The following TNRC6B variants were observed in gnomAD, a reference collection of about 807,000 sequenced individuals.
TNRC6B encodes trinucleotide repeat containing adaptor 6B.
Under a neutral mutation model 203.6 loss-of-function variants are expected in TNRC6B, and 52 were observed. The ratio of observed to expected loss-of-function variants is 0.26; its 90% confidence interval spans 0.20 to 0.32. TNRC6B has a LOEUF of 0.32. Among genes scored for constraint, TNRC6B ranks in the 10% least tolerant of loss-of-function variants. The pLI is 1.00. For missense variants in TNRC6B, 1,923 were observed against 2,286.2 expected, an observed-to-expected ratio of 0.84 and a Z score of 3.24; for synonymous variants, 838 against 845.7, an observed-to-expected ratio of 0.99 and a Z score of 0.16.
Position 40,334,730 on chromosome 22 carries a change from AGAG to A in TNRC6B, c.*11495_*11497del, listed in dbSNP as rs1282293760. On this transcript the variant is annotated 3_prime_UTR_variant, in exon 23 of 23. Coordinates refer to ENST00000454349, the MANE Select transcript of TNRC6B (RefSeq NM_001162501.2). ...CGCAGGAGGACCTGGGGGGCGTAGC[AGAG>A]GAGGATAGGTAGAGAAGTACCATTT... The A allele has an allele frequency of 6.6e-6, 1 of 152,616 alleles. No individual in the cohort carries two copies. Among genetic ancestry groups the A allele is most frequent in the Non-Finnish European group, 1.5e-5 (1 of 68,040 alleles). 9.5% of individuals were successfully genotyped at this position (152,616 alleles called of 1,614,324 possible).
Position 40,326,891 on chromosome 22 carries a change from A to G in TNRC6B, c.*3650A>G, listed in dbSNP as rs1482914240. The stretch of plus-strand genomic sequence containing the variant: ...AATATAGAAGAATCTAATAAGGAAC[A>G]AGTGATTTTACTTTTTTAGCTCCCA... On this transcript the variant is annotated 3_prime_UTR_variant, in exon 23 of 23. Transcript: ENST00000454349. 6.6e-6 allele frequency: 1 copy of G among 152,630 alleles called. No homozygotes were observed. Among genetic ancestry groups the G allele is most frequent in the African/African-American group, 2.4e-5 (1 of 41,450 alleles). 9.5% of individuals were successfully genotyped at this position (152,630 alleles called of 1,614,324 possible).
At chr22:40,209,394 T>A (rs955707683) in intron 1 of TNRC6B, among the ~76,000 whole-genome samples, 1 of 152,140 alleles carries the variant, frequency 6.6e-6, no homozygotes, top group African/African-American at 2.4e-5. Context: ...GGCCCAAACC[T>A]TTATCTCACC....
Position 40,265,389 on chromosome 22 carries a change from A to C in TNRC6B, c.1159A>C (p.Asn387His). 6.2e-7 allele frequency: 1 copy of C among 1,614,004 alleles called. No individual in the cohort carries two copies. Among genetic ancestry groups the C allele is most frequent in the Non-Finnish European group, 8.5e-7 (1 of 1,179,892 alleles). ...TAACTCCTTGAACTTAAGTTCACCAAACCCCATGGAGAATAAGGGAATGCC... is the reference window on the plus strand; with the variant it reads ...TAACTCCTTGAACTTAAGTTCACCACACCCCATGGAGAATAAGGGAATGCC... ...NTNSLNLSSP[N>H]PMENKGMPFG... The change falls in exon 5 of 23, where the codon AAC (asparagine) becomes CAC (histidine). Residue 387 changes from asparagine (N) to histidine (H), a missense_variant. Asn to His is a moderately conservative substitution (Grantham distance 68). Transcript: ENST00000454349.
chr22:40,169,770 G>T (rs1198718496), intron 4 of TNRC6B, among the ~76,000 whole-genome samples: 3 of 152,094 alleles, frequency 2.0e-5, no homozygotes, highest in Admixed American at 6.6e-5. Flanking sequence ...GCATACTCAC[G>T]TTAGGAGGTT....
chr22:40,080,356 A>G (rs1013083337), intron 1 of TNRC6B, among the ~76,000 whole-genome samples: 1 of 152,068 alleles, frequency 6.6e-6, no homozygotes, highest in Non-Finnish European at 1.5e-5. Flanking sequence ...ATTTCAATGT[A>G]TAGTATGCAC....
intron 1 of TNRC6B, among the ~76,000 whole-genome samples, chr22:40,093,314 G>T (rs1427320209): frequency 6.6e-6 from 1 of 152,210 alleles, no homozygotes; most frequent in East Asian, 1.9e-4. Flanking sequence ...GAAAGGTTAA[G>T]ATGCATGGAA....
At chr22:40,078,934 C>T (rs1226979370) in intron 1 of TNRC6B, among the ~76,000 whole-genome samples, 2 of 151,394 alleles carry the variant, frequency 1.3e-5, no homozygotes, top group African/African-American at 2.4e-5. Context: ...ATTAGCTGGG[C>T]GTGGTGGTGG....
chr22:40,251,423 G>C (rs956813193), intron 3 of TNRC6B, among the ~76,000 whole-genome samples: 6 of 152,126 alleles, frequency 3.9e-5, no homozygotes, highest in Non-Finnish European at 8.8e-5. Context: ...TAAATACCTT[G>C]TTTTAAAAAG....
chr22:40,168,439 T>A (rs1266928203), intron 4 of TNRC6B, among the ~76,000 whole-genome samples: 2 of 152,218 alleles, frequency 1.3e-5, no homozygotes, highest in African/African-American at 4.8e-5. Flanking sequence ...ATGGGGGTAC[T>A]GGACTCAGCC....
chr22:40,278,938 G>A (rs541334195), intron 9 of TNRC6B, among the ~76,000 whole-genome samples: 2 of 152,230 alleles, frequency 1.3e-5, no homozygotes, highest in South Asian at 2.1e-4. Context: ...ACGGGATTTC[G>A]CCATTTTGGC....
At chr22:40,170,949 G>T (rs1273652122) in intron 4 of TNRC6B, among the ~76,000 whole-genome samples, 2 of 143,694 alleles carry the variant, frequency 1.4e-5, no homozygotes, top group Non-Finnish European at 3.0e-5. Flanking sequence ...GTACATATAG[G>T]TGTATATATA....
At chr22:40,062,085 GAAAAC>G (rs2067858357) in intron 1 of TNRC6B, among the ~76,000 whole-genome samples, 2 of 151,958 alleles carry the variant, frequency 1.3e-5, no homozygotes, top group African/African-American at 4.8e-5. Flanking sequence ...AAAATAAAAA[GAAAAC>G]TTTACAACTA....
Position 40,265,570 on chromosome 22 carries a change from G to A in TNRC6B, c.1340G>A (p.Gly447Glu). Residue 447 changes from glycine to glutamate, a missense_variant, in exon 5 of 23, where the codon GGG becomes GAG. Physicochemically the swap from Gly to Glu is moderately conservative, Grantham distance 98. Transcript: ENST00000454349. ...VSGQSNSGNN[G>E]NNGKEREDSW... ...GGACAAAGCAATTCTGGAAACAATG[G>A]GAACAATGGAAAAGAGAGAGAGGAC... The A allele has an allele frequency of 6.2e-7, 1 of 1,613,772 alleles. No individual in the cohort carries two copies. Among genetic ancestry groups the A allele is most frequent in the Non-Finnish European group, 8.5e-7 (1 of 1,179,818 alleles).
At chr22:40,264,624 T>G in intron 4 of TNRC6B, 64 bp from the exon 5 acceptor site, 1 of 1,497,260 alleles carries the variant, frequency 6.7e-7, no homozygotes, top group Non-Finnish European at 8.9e-7. Context: ...GAGAGCCCCT[T>G]TGAGGGATTA....
At chr22:40,214,739 A>T (rs1332994723) in intron 1 of TNRC6B, among the ~76,000 whole-genome samples, 2 of 152,054 alleles carry the variant, frequency 1.3e-5, no homozygotes, top group Non-Finnish European at 2.9e-5. Flanking sequence ...ATTTTTGTGG[A>T]GATAGAGTCT....
At chr22:40,198,698 A>G (rs7288451) in intron 1 of TNRC6B, among the ~76,000 whole-genome samples, 58,175 of 152,094 alleles carry the variant, frequency 0.38, 15,680 homozygotes, top group African/African-American at 0.76. Context: ...GTGATGCTAG[A>G]TCGGAATCAG....
At chr22:40,259,548 C>A (rs962786587) in intron 3 of TNRC6B, among the ~76,000 whole-genome samples, 8 of 152,118 alleles carry the variant, frequency 5.3e-5, no homozygotes, top group African/African-American at 1.9e-4. Context: ...TTAAGTCACA[C>A]ATTTATTCTG....
At chr22:40,098,762 C>G (rs1170165601) in intron 1 of TNRC6B, among the ~76,000 whole-genome samples, 1 of 152,030 alleles carries the variant, frequency 6.6e-6, no homozygotes, top group East Asian at 1.9e-4. Flanking sequence ...CAGTCTCACT[C>G]TGTCACCCAT....
chr22:40,144,457 C>G (rs1032861461), intron 3 of TNRC6B, among the ~76,000 whole-genome samples: 2 of 152,038 alleles, frequency 1.3e-5, no homozygotes, highest in African/African-American at 2.4e-5. Flanking sequence ...GGGCGGATCA[C>G]GAGGTCAGGA....
Sources: allele counts gnomAD v4.1 joint callset (sites outside exome capture counted in the v4.1 genomes callset), GRCh38; gene constraint gnomAD v4.1.1; transcripts MANE v1.5; gene names NCBI Gene and HGNC (gene_info 2026-07-23, HGNC 2026-07-21).